Variants in PLS1 observed in about 807,000 individuals in gnomAD.
PLS1 encodes the protein plastin 1.
Under a neutral mutation model 73.7 loss-of-function variants are expected in PLS1, and 32 were observed. That is an observed-to-expected ratio of 0.43 (90% CI 0.33 to 0.58). PLS1 has a LOEUF of 0.58. Ranked by LOEUF, PLS1 falls within the 20% of genes least tolerant of loss-of-function variation. The pLI is 0.04. For synonymous variants in PLS1, 217 were observed against 261.3 expected (o/e 0.83, Z 1.63); for missense variants, 633 against 740.5 (o/e 0.85, Z 1.68).
chr3:142,711,722 A>G (rs927603188), intron 15 of PLS1, 97 bp downstream of exon 15: 25 of 1,292,838 alleles, frequency 1.9e-5, no homozygotes, highest in Admixed American at 1.1e-4. Flanking sequence ...ATATTTTTAA[A>G]TATAACTTAT....
rs117924800 is a variant in PLS1 at position 142,639,862 on chromosome 3, A to G, written c.-36-24340A>G. On this transcript the variant is annotated intron_variant, in intron 1 of 15. Transcript: ENST00000457734. ...TCTAATATTTTTTTCTATATCCCCT[A>G]TGATGTTTGACATAGTGTTAAACAC... Among the ~76,000 whole-genome samples, 237 of 152,264 alleles carry G rather than the reference A, an allele frequency of 1.6e-3. 4 individuals are homozygous for G. The East Asian group carries it at 0.04, about 26-fold the overall frequency.
At chr3:142,630,434 AAAAAAAC>A (rs1178937842) in intron 1 of PLS1, among the ~76,000 whole-genome samples, 4 of 150,418 alleles carry the variant, frequency 2.7e-5, no homozygotes, top group Non-Finnish European at 4.4e-5. Flanking sequence ...AAAAAAAAAA[AAAAAAAC>A]AAACAAAACA....
At chr3:142,600,906 ATATATATATATTTTT>A (rs1440276580) in intron 1 of PLS1, among the ~76,000 whole-genome samples, 5 of 29,600 alleles carry the variant, frequency 1.7e-4, no homozygotes, top group African/African-American at 2.4e-4. Flanking sequence ...ATATATATAT[ATATATATATATTTTT>A]TTTTTTTTTT....
At chr3:142,630,463 A>G (rs2036533741) in intron 1 of PLS1, among the ~76,000 whole-genome samples, 1 of 150,818 alleles carries the variant, frequency 6.6e-6, no homozygotes, top group South Asian at 2.1e-4. Flanking sequence ...TCTGAAATAT[A>G]AAATCCTGGC....
chr3:142,683,503 C>CA (rs945312282), intron 6 of PLS1, among the ~76,000 whole-genome samples: 4 of 151,764 alleles, frequency 2.6e-5, no homozygotes, highest in African/African-American at 4.8e-5. Context: ...GACTCCGTCT[C>CA]AAAAAAAATA....
At chr3:142,680,129 A>G (rs1195980933) in intron 6 of PLS1, among the ~76,000 whole-genome samples, 1 of 152,202 alleles carries the variant, frequency 6.6e-6, no homozygotes, top group Non-Finnish European at 1.5e-5. Context: ...ATGCCACCCA[A>G]TATAGATCAC....
intron 9 of PLS1, among the ~76,000 whole-genome samples, chr3:142,686,739 A>T (rs2037977351): frequency 6.6e-6 from 1 of 152,186 alleles, no homozygotes; most frequent in Non-Finnish European, 1.5e-5. Context: ...GCTCTATGGA[A>T]GTTTTTTCCA....
intron 10 of PLS1, among the ~76,000 whole-genome samples, chr3:142,690,480 CAAATA>C (rs1162047006): frequency 2.6e-5 from 4 of 152,082 alleles, no homozygotes; most frequent in Admixed American, 1.3e-4. Context: ...GAATGAAACA[CAAATA>C]AAACTTAATT....
intron 1 of PLS1, among the ~76,000 whole-genome samples, chr3:142,656,406 G>A (rs760379973): frequency 9.2e-5 from 14 of 152,188 alleles, no homozygotes; most frequent in South Asian, 2.1e-4. Flanking sequence ...TTGTCCAAAG[G>A]ACAGTCAAGG....
chr3:142,614,037 C>A (rs2036168412), intron 1 of PLS1, among the ~76,000 whole-genome samples: 1 of 152,136 alleles, frequency 6.6e-6, no homozygotes, highest in African/African-American at 2.4e-5. Context: ...TAGTCCAGAT[C>A]TTTTAAGGAA....
At chr3:142,678,837 C>T (rs368116047) in intron 6 of PLS1, among the ~76,000 whole-genome samples, 26 of 150,192 alleles carry the variant, frequency 1.7e-4, no homozygotes, top group South Asian at 6.4e-4. Flanking sequence ...AGATCCCTGA[C>T]GAATCGCCAC....
intron 13 of PLS1, 151 bp downstream of exon 13, chr3:142,704,152 GT>G (rs1380298275): frequency 4.8e-6 from 3 of 620,560 alleles, no homozygotes; most frequent in Non-Finnish European, 7.9e-6. Context: ...GTTGATTATG[GT>G]TTTTTTGTAA....
chr3:142,631,775 A>G (rs1465397729), intron 1 of PLS1, among the ~76,000 whole-genome samples: 1 of 152,088 alleles, frequency 6.6e-6, no homozygotes, highest in Non-Finnish European at 1.5e-5. Context: ...TTAGAAGAAA[A>G]CATTGGGTGA....
chr3:142,656,036 A>C (rs1014398218), intron 1 of PLS1, among the ~76,000 whole-genome samples: 1 of 151,988 alleles, frequency 6.6e-6, no homozygotes, highest in Non-Finnish European at 1.5e-5. Flanking sequence ...ATCTCAGTTC[A>C]CTGCAACCTC....
chr3:142,672,644 A>G (rs751077327), intron 4 of PLS1, among the ~76,000 whole-genome samples: 27 of 152,104 alleles, frequency 1.8e-4, no homozygotes, highest in Non-Finnish European at 2.9e-4. Flanking sequence ...CACCAGGCTG[A>G]AGTGTACTAT....
At chr3:142,621,391 G>A (rs1387095059) in intron 1 of PLS1, among the ~76,000 whole-genome samples, 1 of 152,074 alleles carries the variant, frequency 6.6e-6, no homozygotes, top group African/African-American at 2.4e-5. Context: ...CTGTGTTCAA[G>A]GATGTTTGCT....
chr3:142,681,517 C>T (rs1213298663), intron 6 of PLS1, among the ~76,000 whole-genome samples: 1 of 152,190 alleles, frequency 6.6e-6, no homozygotes, highest in Middle Eastern at 3.2e-3. Flanking sequence ...TCAAAGATTA[C>T]AGGAAATGAG....
At chr3:142,628,270 C>T (rs2036473844) in intron 1 of PLS1, among the ~76,000 whole-genome samples, 1 of 152,090 alleles carries the variant, frequency 6.6e-6, no homozygotes, top group Non-Finnish European at 1.5e-5. Context: ...TTAGCTTGAT[C>T]TCTCTGAATC....
chr3:142,610,965 A>G (rs1004338011), intron 1 of PLS1, among the ~76,000 whole-genome samples: 1 of 152,210 alleles, frequency 6.6e-6, no homozygotes, highest in Non-Finnish European at 1.5e-5. Flanking sequence ...GTAAGGGGCC[A>G]AGTAATAAAT....
Sources: gnomAD v4.1 joint callset for allele counts (sites outside exome capture counted in the v4.1 genomes callset) on GRCh38, gnomAD v4.1.1 for gene constraint, MANE v1.5 for transcripts, NCBI Gene and HGNC (gene_info 2026-07-23, HGNC 2026-07-21) for gene names.